Variants in RAB31 observed in about 807,000 individuals in gnomAD.
RAB31 encodes RAB31, member RAS oncogene family, also known as ras-related protein Rab-31.
A neutral mutation model predicts 25.6 loss-of-function variants in RAB31; 21 were observed. The ratio of observed to expected loss-of-function variants is 0.82; its 90% CI spans 0.58 to 1.18. RAB31 has a LOEUF of 1.18. Among genes scored for constraint, RAB31 ranks in the 50% most tolerant of loss-of-function variants. The probability of loss-of-function intolerance (pLI) is 0.00; values close to 1 mark genes in which losing one functional copy is unlikely to be tolerated. For synonymous variants in RAB31, 87 were observed against 84.0 expected, an observed-to-expected ratio of 1.04 and a Z score of -0.20; for missense variants, 196 against 250.1, an observed-to-expected ratio of 0.78 and a Z score of 1.46.
intron 1 of RAB31, among the ~76,000 whole-genome samples, chr18:9,721,508 C>T (rs1035434317): frequency 6.6e-6 from 1 of 151,902 alleles, no homozygotes; most frequent in African/African-American, 2.4e-5. Flanking sequence ...CCCAGCTACT[C>T]AGGAGGCTGA....
intron 5 of RAB31, among the ~76,000 whole-genome samples, chr18:9,832,124 G>A (rs2068681603): frequency 1.3e-5 from 2 of 152,172 alleles, no homozygotes; most frequent in Admixed American, 6.5e-5. Flanking sequence ...GTCAGGAGGC[G>A]ACATGCAGTG....
intron 5 of RAB31, among the ~76,000 whole-genome samples, chr18:9,833,634 G>T (rs9961019): frequency 0.13 from 19,499 of 152,092 alleles, 1,549 homozygotes; most frequent in East Asian, 0.37. Flanking sequence ...GTTTAATTCT[G>T]GCACATACAC....
chr18:9,708,474 C>A lies in RAB31; in HGVS notation c.39+30C>A, dbSNP rs762154802. The A allele has an allele frequency of 6.5e-6, 10 of 1,541,266 alleles. No homozygotes were observed. In the Admixed American group the frequency reaches 9.9e-5, roughly 15 times the overall value. ...GTCCTGGCCGCCACCCGCCGGCGGA[C>A]CCCGGCCCGCGCTCTCGCGCCCCTT... On this transcript the variant is annotated intron_variant, in intron 1 of 6. Coordinates refer to ENST00000578921, the MANE Select transcript of RAB31 (RefSeq NM_006868.4). This position sits in a 1 kb window ranked among gnomAD's most constrained non-coding sequence, Gnocchi z 6.4.
chr18:9,806,687 G>C (rs1035590744), intron 3 of RAB31, among the ~76,000 whole-genome samples: 1 of 152,140 alleles, frequency 6.6e-6, no homozygotes, highest in Admixed American at 6.5e-5. Context: ...GATTTATATA[G>C]GAAGAAATCA....
At chr18:9,812,219 A>G (rs976470460) in intron 3 of RAB31, among the ~76,000 whole-genome samples, 1 of 152,144 alleles carries the variant, frequency 6.6e-6, no homozygotes, top group Non-Finnish European at 1.5e-5. Context: ...GTTTCAATAC[A>G]TGGATTTTAG....
At chr18:9,806,181 A>G (rs1245732390) in intron 3 of RAB31, among the ~76,000 whole-genome samples, 2 of 131,126 alleles carry the variant, frequency 1.5e-5, no homozygotes, top group African/African-American at 5.8e-5. Context: ...CGTCTCAAAA[A>G]AAAAAAAGAA....
intron 5 of RAB31, among the ~76,000 whole-genome samples, chr18:9,841,367 G>A (rs773664030): frequency 1.2e-4 from 18 of 151,546 alleles, no homozygotes; most frequent in African/African-American, 3.9e-4. Flanking sequence ...GTGAAACCCC[G>A]TCTCTACTGA....
intron 3 of RAB31, among the ~76,000 whole-genome samples, chr18:9,812,148 A>G (rs2068575463): frequency 6.6e-6 from 1 of 152,142 alleles, no homozygotes; most frequent in Non-Finnish European, 1.5e-5. Context: ...CTGTGACCTC[A>G]TCTAACCCTA....
chr18:9,800,154 G>C (rs147144285), intron 3 of RAB31, among the ~76,000 whole-genome samples: 1 of 152,214 alleles, frequency 6.6e-6, no homozygotes, highest in Non-Finnish European at 1.5e-5. Context: ...GGCTTTTAGC[G>C]AGAGGAGCTG....
chr18:9,807,549 C>T (rs1051259870), intron 3 of RAB31, among the ~76,000 whole-genome samples: 2 of 152,144 alleles, frequency 1.3e-5, no homozygotes, highest in African/African-American at 4.8e-5. Context: ...CATGAGCTGA[C>T]GTTCACTGCC....
chr18:9,749,370 G>C (rs2145477549), intron 1 of RAB31, among the ~76,000 whole-genome samples: 1 of 151,990 alleles, frequency 6.6e-6, no homozygotes, highest in Non-Finnish European at 1.5e-5. Flanking sequence ...AGGGAGCGGA[G>C]GGAACGGAAG....
chr18:9,855,005 T>A (rs777377873), intron 6 of RAB31, among the ~76,000 whole-genome samples: 2 of 152,178 alleles, frequency 1.3e-5, no homozygotes, highest in African/African-American at 4.8e-5. Context: ...AAGAATTACA[T>A]ACAGTGGAAT....
chr18:9,751,390 C>G (rs1344846357), intron 1 of RAB31, among the ~76,000 whole-genome samples: 1 of 152,200 alleles, frequency 6.6e-6, no homozygotes, highest in East Asian at 1.9e-4. Flanking sequence ...AGGATACACA[C>G]AGCTTTCTGT....
rs528723553 is a variant in RAB31 at position 9,741,606 on chromosome 18, C to T, written c.39+33162C>T. On this transcript the variant is annotated intron_variant, in intron 1 of 6. Coordinates refer to ENST00000578921, the MANE Select transcript of RAB31 (RefSeq NM_006868.4). The stretch of plus-strand genomic sequence containing the variant: ...TGGGAGGAAGGGGCCAGCAGGACCA[C>T]TTGTCCTGCGCCAGTGCCAGCCTCT... Among the ~76,000 whole-genome samples, 8 of 152,254 alleles carry T rather than the reference C, an allele frequency of 5.3e-5. No individual in the cohort carries two copies. In the East Asian group the frequency reaches 1.6e-3, roughly 30 times the overall value.
intron 1 of RAB31, among the ~76,000 whole-genome samples, chr18:9,721,241 C>A (rs897588502): frequency 3.3e-5 from 5 of 152,176 alleles, no homozygotes; most frequent in Non-Finnish European, 7.3e-5. Flanking sequence ...CATCCTGTCA[C>A]AGAATTCTGT....
At chr18:9,733,724 C>T (rs538257484) in intron 1 of RAB31, among the ~76,000 whole-genome samples, 51 of 152,238 alleles carry the variant, frequency 3.4e-4, no homozygotes, top group African/African-American at 1.2e-3. Flanking sequence ...TGGGCTCAGA[C>T]ACCACCTGCA....
chr18:9,743,723 C>T (rs2068191547), intron 1 of RAB31, among the ~76,000 whole-genome samples: 1 of 152,224 alleles, frequency 6.6e-6, no homozygotes, highest in Admixed American at 6.5e-5. Context: ...CACAGGGAGA[C>T]CTTGGCTGAA....
chr18:9,732,210 C>A (rs1467437990), intron 1 of RAB31, among the ~76,000 whole-genome samples: 4 of 152,216 alleles, frequency 2.6e-5, no homozygotes, highest in African/African-American at 9.6e-5. Context: ...ACCAGACCAT[C>A]TTCGTCCAGG....
chr18:9,844,325 G>A (rs1406257549), intron 5 of RAB31, among the ~76,000 whole-genome samples: 4 of 152,134 alleles, frequency 2.6e-5, no homozygotes, highest in African/African-American at 9.7e-5. Flanking sequence ...GCAGTGCTGG[G>A]TGCAGAATCA....
Sources: allele counts gnomAD v4.1 joint callset (sites outside exome capture counted in the v4.1 genomes callset), GRCh38; gene constraint gnomAD v4.1.1; non-coding constraint Gnocchi (gnomAD v3.1); transcripts MANE v1.5; gene names NCBI Gene and HGNC (gene_info 2026-07-23, HGNC 2026-07-21).